PTPN3: variants seen among roughly 807,000 people sequenced by gnomAD.
PTPN3 encodes the protein protein tyrosine phosphatase non-receptor type 3.
PTPN3 carries 96 observed loss-of-function variants against 132.7 expected under a neutral mutation model. The observed-to-expected ratio is 0.72, with a 90% confidence interval of 0.61 to 0.86. PTPN3 has a LOEUF of 0.86. PTPN3 is among the 40% of genes least tolerant of loss of function. PTPN3 has a pLI of 0.00. For synonymous variants in PTPN3, 398 were observed against 429.0 expected, an observed-to-expected ratio of 0.93 and a Z score of 0.89; for missense variants, 1,125 against 1,159.6, an observed-to-expected ratio of 0.97 and a Z score of 0.43.
rs138707755 is a variant in PTPN3 at position 109,410,311 on chromosome 9, A to G, written c.1418T>C (p.Val473Ala). 1.9e-6 allele frequency: 3 copies of G among 1,614,044 alleles called. No homozygotes were observed. The African/African-American group carries it at 4.0e-5, about 22-fold the overall frequency. The change falls in exon 15 of 26, where the codon GTT becomes GCT. Residue 473 changes from valine (V) to alanine (A), a missense_variant. Coordinates refer to ENST00000374541, the MANE Select transcript of PTPN3 (RefSeq NM_002829.4). The part of the protein sequence containing the change: ...NAPGSCSPDG[V>A]DQQLLDDFHR... ...GAAGTCATCTAAGAGCTGCTGATCAACGCCGTCAGGTGAGCAGGAGCCTGG... is the reference window on the plus strand; with the variant it reads ...GAAGTCATCTAAGAGCTGCTGATCAGCGCCGTCAGGTGAGCAGGAGCCTGG...
intron 1 of PTPN3, among the ~76,000 whole-genome samples, chr9:109,481,196 C>T (rs1846944016): frequency 6.6e-6 from 1 of 152,158 alleles, no homozygotes; most frequent in Non-Finnish European, 1.5e-5. Flanking sequence ...GTTCAAGTCC[C>T]TCAGTGCACA....
chr9:109,514,474 T>C, the PTPN3 span, among the ~76,000 whole-genome samples: 2 of 152,098 alleles, frequency 1.3e-5, no homozygotes, highest in Non-Finnish European at 2.9e-5. Flanking sequence ...ATTCAGGAAA[T>C]ATTGATTAAC....
chr9:109,536,441 C>T, the PTPN3 span, among the ~76,000 whole-genome samples: 3 of 152,196 alleles, frequency 2.0e-5, no homozygotes, highest in African/African-American at 7.2e-5. Context: ...CCTCCTTTCT[C>T]TTGTGTTACA....
intron 12 of PTPN3, among the ~76,000 whole-genome samples, chr9:109,423,504 G>A (rs1366375534): frequency 2.0e-5 from 3 of 152,122 alleles, no homozygotes; most frequent in Non-Finnish European, 4.4e-5. Flanking sequence ...TACTTGGGAG[G>A]CTGAGGCATG....
At chr9:109,534,632 C>CAAAAAAAAAAAAA in the PTPN3 span, among the ~76,000 whole-genome samples, 56 of 108,694 alleles carry the variant, frequency 5.2e-4, no homozygotes, top group Non-Finnish European at 8.0e-4. Flanking sequence ...CAAAAAAATA[C>CAAAAAAAAAAAAA]AAAAAAAAAA....
intron 12 of PTPN3, 88 bp from the exon 13 acceptor site, chr9:109,422,940 C>CT (rs1327455179): frequency 6.7e-7 from 1 of 1,489,390 alleles, no homozygotes. Flanking sequence ...ACACATGCTT[C>CT]TTGTCTGAAG....
the PTPN3 span, among the ~76,000 whole-genome samples, chr9:109,516,710 G>A: frequency 8.3e-4 from 126 of 152,270 alleles, no homozygotes; most frequent in East Asian, 6.8e-3. Flanking sequence ...AGACCATCGG[G>A]CAACAATGAT....
chr9:109,478,587 G>C (rs933630651), intron 1 of PTPN3, among the ~76,000 whole-genome samples: 1 of 152,228 alleles, frequency 6.6e-6, no homozygotes, highest in Non-Finnish European at 1.5e-5. Context: ...CCAAAGAAAG[G>C]AGGAACGAGA....
upstream of PTPN3, among the ~76,000 whole-genome samples, chr9:109,502,652 T>C (rs1020893138): frequency 3.3e-5 from 5 of 151,962 alleles, no homozygotes; most frequent in African/African-American, 1.2e-4. Context: ...AAAAATTAGC[T>C]GGATGTGGTG....
chr9:109,500,364 C>A (rs1245641040), upstream of PTPN3, among the ~76,000 whole-genome samples: 1 of 152,134 alleles, frequency 6.6e-6, no homozygotes, highest in Non-Finnish European at 1.5e-5. Flanking sequence ...TTAGCTTAAA[C>A]GATGCCCTCA....
intron 4 of PTPN3, among the ~76,000 whole-genome samples, chr9:109,454,797 A>G (rs1032156092): frequency 6.6e-6 from 1 of 152,230 alleles, no homozygotes; most frequent in African/African-American, 2.4e-5. Context: ...CTGAGTTATC[A>G]TCTACTTCCT....
In PTPN3 at chr9:109,457,357, G is replaced by C; in HGVS notation, c.181C>G (p.His61Asp). 1 of 1,614,156 alleles carries C rather than the reference G, an allele frequency of 6.2e-7. No homozygotes were observed. ...TATTCCTTTTCAGTCACACCCAGGT[G>C]GTTGTGCACCATATCCAGAAGAACC... ...GQVLLDMVHN[H>D]LGVTEKEYFG... Residue 61 changes from histidine to aspartate, a missense_variant, in exon 3 of 26, where the codon CAC (histidine) becomes GAC (aspartate). By Grantham distance (81) the His-to-Asp change is moderately conservative. Coordinates refer to ENST00000374541, the MANE Select transcript of PTPN3 (RefSeq NM_002829.4).
chr9:109,446,580 T>G (rs1357951659), intron 6 of PTPN3, among the ~76,000 whole-genome samples: 1 of 152,206 alleles, frequency 6.6e-6, no homozygotes, highest in Non-Finnish European at 1.5e-5. Flanking sequence ...ATCAGCTATT[T>G]GCTCTCCTAA....
chr9:109,464,406 G>C (rs1845995322), intron 1 of PTPN3, among the ~76,000 whole-genome samples: 1 of 152,174 alleles, frequency 6.6e-6, no homozygotes, highest in Non-Finnish European at 1.5e-5. Flanking sequence ...CTACGTGAGG[G>C]TGAAGTGTGG....
chr9:109,459,296 T>C lies in PTPN3; in HGVS notation c.139-1897A>G, dbSNP rs531087330. 3.3e-5 allele frequency among the ~76,000 whole-genome samples: 5 copies of C among 152,358 alleles called. No homozygotes were observed. In the South Asian group the frequency reaches 1.0e-3, roughly 32 times the overall value. On this transcript the variant is annotated intron_variant, in intron 2 of 25. Coordinates refer to ENST00000374541, the MANE Select transcript of PTPN3 (RefSeq NM_002829.4). ...AAGAACGACTGATATCCAAGTCAGC[T>C]TCCCTGACATCTGCTCCTGGTCACA...
chr9:109,477,235 G>A (rs1286679235), intron 1 of PTPN3, among the ~76,000 whole-genome samples: 5 of 152,164 alleles, frequency 3.3e-5, no homozygotes, highest in Admixed American at 2.0e-4. Context: ...AATAAGGTAT[G>A]TTCTTACCCT....
chr9:109,435,128 G>A (rs1430580628), intron 9 of PTPN3, among the ~76,000 whole-genome samples: 3 of 152,184 alleles, frequency 2.0e-5, no homozygotes, highest in Non-Finnish European at 4.4e-5. Context: ...TCAAAATTGA[G>A]TGAACAAGGA....
At chr9:109,452,429 C>T (rs1332042276) in intron 5 of PTPN3, among the ~76,000 whole-genome samples, 1 of 151,924 alleles carries the variant, frequency 6.6e-6, no homozygotes, top group African/African-American at 2.4e-5. Context: ...TTTTAAAAAA[C>T]CCACTGGTTA....
chr9:109,382,154 T>C, intron 24 of PTPN3, 148 bp downstream of exon 24: 2 of 1,057,528 alleles, frequency 1.9e-6, no homozygotes. Flanking sequence ...AAAAAACTTT[T>C]GAAATGGTGA....
Sources: allele counts gnomAD v4.1 joint callset (sites outside exome capture counted in the v4.1 genomes callset), GRCh38; gene constraint gnomAD v4.1.1; transcripts MANE v1.5; gene names NCBI Gene and HGNC (gene_info 2026-07-23, HGNC 2026-07-21).